DNAAF8: variants seen among roughly 807,000 people sequenced by gnomAD.
The protein encoded by DNAAF8 is dynein axonemal assembly factor 8, also known as dynein axonemal-associated protein 1.
Under a neutral mutation model 54.6 loss-of-function variants are expected in DNAAF8, and 61 were observed. That is an observed-to-expected ratio of 1.12 (90% CI 0.91 to 1.38). The LOEUF (loss-of-function observed/expected upper bound fraction) is 1.38, where lower values mean the gene tolerates loss of function less well. Among genes scored for constraint, DNAAF8 ranks in the 40% most tolerant of loss-of-function variants. The pLI, the probability that DNAAF8 is intolerant of heterozygous loss-of-function variation, is 0.00. For synonymous variants in DNAAF8, 320 were observed against 270.1 expected (o/e 1.18, Z -1.81); for missense variants, 837 against 665.0 (o/e 1.26, Z -2.85).
At chr16:4,745,289 A>G (rs935104782) in intron 6 of DNAAF8, among the ~76,000 whole-genome samples, 15 of 152,106 alleles carry the variant, frequency 9.9e-5, no homozygotes, top group African/African-American at 1.7e-4. Context: ...CCTCCTTTCA[A>G]TGGGAGGCCA....
chr16:4,746,724 A>AT, intron 7 of DNAAF8: 16 of 790,778 alleles, frequency 2.0e-5, no homozygotes, highest in Non-Finnish European at 2.9e-5. Flanking sequence ...GCTGGGCTCT[A>AT]TGCAATAGAG....
chr16:4,738,264 C>T (rs935340015), intron 3 of DNAAF8, among the ~76,000 whole-genome samples: 2 of 152,170 alleles, frequency 1.3e-5, no homozygotes, highest in Non-Finnish European at 2.9e-5. Flanking sequence ...GTCACAACTG[C>T]TTGTCCTAAT....
intron 5 of DNAAF8, chr16:4,743,919 ATTCTTTTT>A (rs1273397451): frequency 3.3e-5 from 4 of 121,786 alleles, no homozygotes; most frequent in East Asian, 2.5e-4. Flanking sequence ...GGCAGAATGT[ATTCTTTTT>A]TTTTTTTTTT....
intron 6 of DNAAF8, among the ~76,000 whole-genome samples, chr16:4,745,522 G>A (rs959975046): frequency 2.6e-5 from 4 of 152,350 alleles, no homozygotes; most frequent in African/African-American, 4.8e-5. Flanking sequence ...CCAGGGTCCC[G>A]TAAGGCCCCT....
chr16:4,740,762 T>A (rs2142205093), intron 4 of DNAAF8, 103 bp downstream of exon 4: 1 of 1,349,688 alleles, frequency 7.4e-7, no homozygotes, highest in East Asian at 2.4e-5. Context: ...GCTGGCCCAC[T>A]AGGACCTTAG....
intron 6 of DNAAF8, 71 bp from the exon 7 acceptor site, chr16:4,746,304 G>C: frequency 6.7e-7 from 1 of 1,495,802 alleles, no homozygotes; most frequent in South Asian, 1.3e-5. Flanking sequence ...ACTGTGACTG[G>C]ACAAACCCAG....
intron 9 of DNAAF8, 140 bp downstream of exon 9, chr16:4,747,774 C>A: frequency 3.0e-6 from 3 of 1,016,600 alleles, no homozygotes; most frequent in Non-Finnish European, 4.2e-6. Flanking sequence ...CTGTTGCCCA[C>A]CCTGTTAGAG....
intron 2 of DNAAF8, 100 bp downstream of exon 2, chr16:4,736,743 T>A (rs1384861990): frequency 8.1e-7 from 1 of 1,232,094 alleles, no homozygotes; most frequent in East Asian, 2.8e-5. Context: ...AGACTTTTCC[T>A]GCTGACCTGT....
At chr16:4,739,176 T>A (rs1208793160) in intron 3 of DNAAF8, among the ~76,000 whole-genome samples, 1 of 151,374 alleles carries the variant, frequency 6.6e-6, no homozygotes, top group Non-Finnish European at 1.5e-5. Flanking sequence ...TCTGGTGGGT[T>A]CAGGTGGAAC....
At chr16:4,735,341 C>T (rs2081871104) in intron 1 of DNAAF8, 1 of 152,272 alleles carries the variant, frequency 6.6e-6, no homozygotes, top group South Asian at 2.1e-4. Flanking sequence ...GCGTCCCCAA[C>T]CCGCTGCTCC....
At chr16:4,746,230 G>C (rs1425100149) in intron 6 of DNAAF8, 145 bp from the exon 7 acceptor site, 1 of 880,734 alleles carries the variant, frequency 1.1e-6, no homozygotes, top group Non-Finnish European at 1.7e-6. Flanking sequence ...AAGAGTAAAA[G>C]AGCAAATGTG....
chr16:4,739,262 C>CTTATTTTTTT (rs1596482355), intron 3 of DNAAF8, among the ~76,000 whole-genome samples: 1 of 36,240 alleles, frequency 2.8e-5, no homozygotes, highest in Admixed American at 3.0e-4. Context: ...ATGATTTTTT[C>CTTATTTTTTT]TTGTTTTTTT....
At chr16:4,743,224 G>A in intron 5 of DNAAF8, 64 bp downstream of exon 5, 3 of 1,217,126 alleles carry the variant, frequency 2.5e-6, no homozygotes, top group Non-Finnish European at 3.5e-6. Context: ...GGGCCCCTCA[G>A]ACACAGAGGG....
chr16:4,745,542 T>C (rs979661790), intron 6 of DNAAF8, among the ~76,000 whole-genome samples: 2 of 152,232 alleles, frequency 1.3e-5, no homozygotes, highest in African/African-American at 4.8e-5. Flanking sequence ...TCTATATGCC[T>C]GCCCTCCCCA....
intron 5 of DNAAF8, 74 bp downstream of exon 5, chr16:4,743,234 G>T (rs2081975346): frequency 2.7e-6 from 3 of 1,123,068 alleles, no homozygotes; most frequent in South Asian, 2.9e-5. Flanking sequence ...GACACAGAGG[G>T]CTGCAGGCTG....
intron 5 of DNAAF8, chr16:4,743,424 A>ACC (rs2081976512): frequency 6.4e-6 from 2 of 310,728 alleles, no homozygotes; most frequent in African/African-American, 4.4e-5. Context: ...CCCATGACCC[A>ACC]TACCTCCTCT....
chr16:4,739,568 G>T (rs859307), intron 3 of DNAAF8, among the ~76,000 whole-genome samples: 3 of 140,996 alleles, frequency 2.1e-5, no homozygotes, highest in African/African-American at 2.7e-5. Context: ...TTTTTTTTTG[G>T]GACAGGATCT....
intron 4 of DNAAF8, among the ~76,000 whole-genome samples, chr16:4,740,913 A>T (rs1216812655): frequency 6.6e-6 from 1 of 152,136 alleles, no homozygotes; most frequent in African/African-American, 2.4e-5. Context: ...GGCCAGGCAC[A>T]GCGGCTCGCA....
At chr16:4,744,634 C>CTTTA (rs1567503883) in intron 5 of DNAAF8, among the ~76,000 whole-genome samples, 1 of 151,402 alleles carries the variant, frequency 6.6e-6, no homozygotes, top group African/African-American at 2.4e-5. Context: ...GTCACTCCTA[C>CTTTA]TTCACCAAGC....
Sources: gnomAD v4.1 joint callset for allele counts (sites outside exome capture counted in the v4.1 genomes callset) on GRCh38, gnomAD v4.1.1 for gene constraint, MANE v1.5 for transcripts, NCBI Gene and HGNC (gene_info 2026-07-23, HGNC 2026-07-21) for gene names.